Variants in UNC13C observed in about 807,000 individuals in gnomAD.
UNC13C encodes unc-13 homolog C, also known as protein unc-13 homolog C.
Under a neutral mutation model 245.4 loss-of-function variants are expected in UNC13C, and 174 were observed. That is an observed-to-expected ratio of 0.71 (90% confidence interval 0.63 to 0.80). The LOEUF (loss-of-function observed/expected upper bound fraction) is 0.80, where lower values mean the gene tolerates loss of function less well. Ranked by LOEUF, UNC13C falls within the 30% of genes least tolerant of loss-of-function variation. The pLI is 0.00. For synonymous variants in UNC13C, 992 were observed against 895.1 expected, an observed-to-expected ratio of 1.11 and a Z score of -1.93; for missense variants, 2,829 against 2,602.9, an observed-to-expected ratio of 1.09 and a Z score of -1.89.
intron 19 of UNC13C, among the ~76,000 whole-genome samples, chr15:54,458,080 T>A (rs1430801426): frequency 6.6e-6 from 1 of 152,044 alleles, no homozygotes. Flanking sequence ...TTTTTATTGG[T>A]TGTGTCATAA....
At chr15:54,528,982 A>C (rs1895614074) in intron 25 of UNC13C, among the ~76,000 whole-genome samples, 1 of 151,890 alleles carries the variant, frequency 6.6e-6, no homozygotes, top group South Asian at 2.1e-4. Flanking sequence ...AGCCAGATAA[A>C]AGTGAAATAA....
At chr15:53,847,518 G>A in the UNC13C span, among the ~76,000 whole-genome samples, 21 of 131,426 alleles carry the variant, frequency 1.6e-4, no homozygotes, top group Non-Finnish European at 2.8e-4. Context: ...CACCATGCCT[G>A]GCTATTTTTT....
chr15:54,532,799 A>G (rs779333499), intron 25 of UNC13C, 118 bp from the exon 26 acceptor site: 94 of 663,998 alleles, frequency 1.4e-4, no homozygotes, highest in Non-Finnish European at 2.3e-4. Context: ...GAATTCGAAA[A>G]CTCATGAGCA....
chr15:54,138,366 A>G (rs971461159), intron 2 of UNC13C, among the ~76,000 whole-genome samples: 3 of 152,100 alleles, frequency 2.0e-5, no homozygotes, highest in African/African-American at 7.2e-5. Context: ...GAATATATTA[A>G]CCTATTACTG....
chr15:54,620,264 AACAC>A (rs1900710384), intron 30 of UNC13C, among the ~76,000 whole-genome samples: 1 of 152,120 alleles, frequency 6.6e-6, no homozygotes, highest in Non-Finnish European at 1.5e-5. Flanking sequence ...CTGATTGAAA[AACAC>A]ACACACAGGT....
Position 54,013,453 on chromosome 15 carries a change from CT to C in UNC13C, c.551del (p.Leu184ArgfsTer17), listed in dbSNP as rs1208340340. 1 of 1,613,766 alleles carries C rather than the reference CT, an allele frequency of 6.2e-7. No individual in the cohort carries two copies. Among genetic ancestry groups the C allele is most frequent in the South Asian group, 1.1e-5 (1 of 91,080 alleles). ...CTTAAAACTGGGAGCTTTACGAAAA[CT>C]GAGAAAATGGAAAAAGAGTCAAGAA... ...HGLKLGALRK[L>X]RKWKKSQECV... On this transcript the variant is annotated frameshift_variant, in exon 2 of 33. Transcript: ENST00000260323. LOFTEE classifies it high-confidence loss of function.
chr15:54,417,297 T>G (rs1180557395), intron 19 of UNC13C, among the ~76,000 whole-genome samples: 1 of 152,132 alleles, frequency 6.6e-6, no homozygotes, highest in Non-Finnish European at 1.5e-5. Context: ...AGAGGAGACA[T>G]CATTTTGTGA....
intron 2 of UNC13C, among the ~76,000 whole-genome samples, chr15:54,116,678 C>T (rs2030272090): frequency 6.6e-6 from 1 of 152,162 alleles, no homozygotes; most frequent in South Asian, 2.1e-4. Context: ...CATTCATCCA[C>T]TGATGGGAAC....
chr15:54,030,818 A>C (rs1431933001), intron 2 of UNC13C, among the ~76,000 whole-genome samples: 1 of 152,212 alleles, frequency 6.6e-6, no homozygotes, highest in African/African-American at 2.4e-5. Flanking sequence ...GAGGAAGTGC[A>C]AAAAGGGATG....
Position 54,012,995 on chromosome 15 carries a change from AAAAC to A in UNC13C, c.96_99del (p.Asn32LysfsTer31). On this transcript the variant is annotated frameshift_variant, in exon 2 of 33. Coordinates refer to ENST00000260323, the MANE Select transcript of UNC13C (RefSeq NM_001080534.3). LOFTEE classifies it high-confidence loss of function. ...ACAAAGAAATTGGGAAATACAAACAAAAACAAAGAGTATCGTCAGCAGAAAAAGG... is the reference window on the plus strand; with the variant it reads ...ACAAAGAAATTGGGAAATACAAACAAAAAGAGTATCGTCAGCAGAAAAAGG... 6.2e-7 allele frequency: 1 copy of A among 1,613,910 alleles called. No homozygotes were observed. The highest frequency in any genetic ancestry group is 8.5e-7 in the Non-Finnish European group (1 of 1,179,834).
At chr15:53,942,816 C>T in the UNC13C span, among the ~76,000 whole-genome samples, 2 of 152,094 alleles carry the variant, frequency 1.3e-5, no homozygotes, top group Non-Finnish European at 2.9e-5. Context: ...GAATGTGCCA[C>T]CATGCCTGGC....
Position 54,622,338 on chromosome 15 carries a change from A to G in UNC13C, c.6118A>G (p.Lys2040Glu), listed in dbSNP as rs1191413788. Residue 2040 changes from lysine (K) to glutamate (E), a missense_variant, in exon 31 of 33, where the codon AAA becomes GAA. By Grantham distance (56) the Lys-to-Glu change is moderately conservative. Coordinates refer to ENST00000260323, the MANE Select transcript of UNC13C (RefSeq NM_001080534.3). Reference protein sequence around the residue: ...DTQTSQSRSSKDAVGQISVHV... With the variant: ...DTQTSQSRSSEDAVGQISVHV... ...CTGCTTATTTTCAGGTCGTTCCTCC[A>G]AAGATGCCGTGGGTCAGATATCTGT... 1.2e-6 allele frequency: 2 copies of G among 1,613,052 alleles called. No homozygotes were observed. Among genetic ancestry groups the G allele is most frequent in the Non-Finnish European group, 8.5e-7 (1 of 1,179,372 alleles).
intron 1 of UNC13C, among the ~76,000 whole-genome samples, chr15:53,985,250 A>G (rs193002141): frequency 4.6e-5 from 7 of 151,502 alleles, no homozygotes; most frequent in African/African-American, 1.7e-4. Flanking sequence ...TTCCAGCTTC[A>G]TCCATGTCCC....
chr15:54,360,265 A>T (rs543843230), intron 17 of UNC13C, among the ~76,000 whole-genome samples: 31 of 152,078 alleles, frequency 2.0e-4, no homozygotes, highest in African/African-American at 7.0e-4. Context: ...GTTGAGAAAA[A>T]ATTTTATTCA....
At chr15:54,172,703 G>GATTAT (rs1311483864) in intron 4 of UNC13C, among the ~76,000 whole-genome samples, 3 of 78,466 alleles carry the variant, frequency 3.8e-5, no homozygotes, top group African/African-American at 9.8e-5. Context: ...TACACACACA[G>GATTAT]ATATATATAT....
chr15:54,268,582 C>A (rs1596115465), intron 10 of UNC13C, among the ~76,000 whole-genome samples: 1 of 152,086 alleles, frequency 6.6e-6, no homozygotes, highest in Admixed American at 6.6e-5. Context: ...TCTGGACATA[C>A]TTAAGTTACA....
At chr15:54,455,375 C>A (rs1891461466) in intron 19 of UNC13C, among the ~76,000 whole-genome samples, 1 of 150,682 alleles carries the variant, frequency 6.6e-6, no homozygotes, top group Non-Finnish European at 1.5e-5. Flanking sequence ...GGTAGATACC[C>A]AGTAGACGGA....
chr15:53,993,480 G>T (rs536689364), intron 1 of UNC13C, among the ~76,000 whole-genome samples: 2 of 152,028 alleles, frequency 1.3e-5, no homozygotes, highest in Admixed American at 6.6e-5. Context: ...CCTGAAGGGG[G>T]TATCTGTGTG....
chr15:54,473,705 A>T (rs942931008), intron 19 of UNC13C, among the ~76,000 whole-genome samples: 1 of 151,836 alleles, frequency 6.6e-6, no homozygotes, highest in Non-Finnish European at 1.5e-5. Context: ...TTGTGTATAT[A>T]TACCACCTCT....
Sources: gnomAD v4.1 joint callset for allele counts (sites outside exome capture counted in the v4.1 genomes callset) on GRCh38, gnomAD v4.1.1 for gene constraint, MANE v1.5 for transcripts, NCBI Gene and HGNC (gene_info 2026-07-23, HGNC 2026-07-21) for gene names.